SEC31A: variants seen among roughly 807,000 people sequenced by gnomAD.
SEC31A encodes protein transport protein Sec31A.
SEC31A carries 70 observed loss-of-function variants against 151.0 expected under a neutral mutation model. The observed-to-expected ratio is 0.46, with a 90% CI of 0.38 to 0.57. The LOEUF (loss-of-function observed/expected upper bound fraction) is 0.57. Among genes scored for constraint, SEC31A ranks in the 20% least tolerant of loss-of-function variants. The probability of loss-of-function intolerance (pLI) is 0.00; values close to 1 mark genes in which losing one functional copy is unlikely to be tolerated. For missense variants in SEC31A, 1,330 were observed against 1,471.2 expected, an observed-to-expected ratio of 0.90 and a Z score of 1.57; for synonymous variants, 475 against 505.9, an observed-to-expected ratio of 0.94 and a Z score of 0.82.
intron 22 of SEC31A, among the ~76,000 whole-genome samples, chr4:82,840,180 CAAGGTTGTAAGACTTA>C (rs1728411844): frequency 6.6e-6 from 1 of 152,124 alleles, no homozygotes; most frequent in African/African-American, 2.4e-5. Context: ...TACTACTTCT[CAAGGTTGTAAGACTTA>C]AATAAGAAAA....
intron 1 of SEC31A, among the ~76,000 whole-genome samples, chr4:82,889,730 G>C (rs1741843968): frequency 2.0e-5 from 3 of 151,974 alleles, no homozygotes. Context: ...TAAAGAATTT[G>C]CTTATATAAA....
At chr4:82,862,478 T>C in intron 13 of SEC31A, 56 bp downstream of exon 13, 1 of 1,346,728 alleles carries the variant, frequency 7.4e-7, no homozygotes, top group Non-Finnish European at 1.1e-6. Context: ...TATTTCCTTC[T>C]TCGTTATGAC....
chr4:82,881,507 C>T (rs1382732103), intron 2 of SEC31A, among the ~76,000 whole-genome samples: 1 of 151,792 alleles, frequency 6.6e-6, no homozygotes, highest in African/African-American at 2.4e-5. Flanking sequence ...TGCTTATAGA[C>T]ATATATGATA....
chr4:82,833,532 TAAA>T (rs35174989), intron 22 of SEC31A, among the ~76,000 whole-genome samples: 1 of 136,228 alleles, frequency 7.3e-6, no homozygotes, highest in Non-Finnish European at 1.6e-5. Context: ...AGTTAAATTA[TAAA>T]AAAAAAAAAA....
At chr4:82,823,718 T>A (rs1029835104) in intron 25 of SEC31A, among the ~76,000 whole-genome samples, 2 of 152,272 alleles carry the variant, frequency 1.3e-5, no homozygotes, top group Non-Finnish European at 2.9e-5. Context: ...ATGCCTCCGA[T>A]ATCTAAAACA....
At chr4:82,876,361 C>A (rs1422462392) in intron 4 of SEC31A, among the ~76,000 whole-genome samples, 1 of 152,118 alleles carries the variant, frequency 6.6e-6, no homozygotes, top group Admixed American at 6.5e-5. Context: ...CCACCTGCCT[C>A]GGCCTCCCAA....
rs1168078807 is a variant in SEC31A, at chr4:82,818,510, ATAGT to A, written c.*560_*563del. On this transcript the variant is annotated 3_prime_UTR_variant, in exon 27 of 27. Transcript: ENST00000395310. ...ACAAAAATGTCCAGTCTTTTCCTAT[ATAGT>A]TAAAGCCAGTGATCCCATTTTTATT... 2.0e-5 allele frequency among the ~76,000 whole-genome samples: 3 copies of A among 152,260 alleles called. No individual in the cohort carries two copies. Among genetic ancestry groups the A allele is most frequent in the Non-Finnish European group, 2.9e-5 (2 of 68,046 alleles).
intron 1 of SEC31A, among the ~76,000 whole-genome samples, chr4:82,887,919 G>A (rs563862331): frequency 6.6e-6 from 1 of 151,708 alleles, no homozygotes; most frequent in South Asian, 2.1e-4. Context: ...AGTGGCGGGC[G>A]CCTGTAGTCC....
At chr4:82,866,374 G>A (rs1030193156) in intron 10 of SEC31A, among the ~76,000 whole-genome samples, 10 of 152,162 alleles carry the variant, frequency 6.6e-5, no homozygotes, top group Non-Finnish European at 1.2e-4. Flanking sequence ...AGGAGGCTGA[G>A]GCAGGAGAAT....
At chr4:82,873,008 C>T (rs1737092239) in intron 6 of SEC31A, among the ~76,000 whole-genome samples, 1 of 152,064 alleles carries the variant, frequency 6.6e-6, no homozygotes, top group Non-Finnish European at 1.5e-5. Context: ...GTAGAGAAAA[C>T]ATTTTATGCA....
At chr4:82,899,276 T>C (rs1436031545) in intron 3 of SEC31A, among the ~76,000 whole-genome samples, 1 of 152,246 alleles carries the variant, frequency 6.6e-6, no homozygotes, top group Non-Finnish European at 1.5e-5. Flanking sequence ...ATATTGATTG[T>C]GACTGTTCCA....
At chr4:82,872,697 T>A (rs1207693883) in intron 6 of SEC31A, among the ~76,000 whole-genome samples, 1 of 151,962 alleles carries the variant, frequency 6.6e-6, no homozygotes, top group Non-Finnish European at 1.5e-5. Context: ...AGAGAAAACA[T>A]TTCATTGTAT....
chr4:82,882,394 T>G (rs1472044750), intron 1 of SEC31A, among the ~76,000 whole-genome samples: 2 of 98,566 alleles, frequency 2.0e-5, no homozygotes, highest in African/African-American at 1.0e-4. Flanking sequence ...AGAGCAAGAC[T>G]CTATCTCAAA....
At chr4:82,837,399 AG>A (rs1727654356) in intron 22 of SEC31A, among the ~76,000 whole-genome samples, 1 of 151,772 alleles carries the variant, frequency 6.6e-6, no homozygotes, top group South Asian at 2.1e-4. Flanking sequence ...ATAAAAAGCA[AG>A]GAAGTTTTTT....
intron 1 of SEC31A, among the ~76,000 whole-genome samples, chr4:82,888,373 A>AAC (rs70943166): frequency 3.2e-5 from 1 of 31,100 alleles, no homozygotes; most frequent in African/African-American, 1.0e-4. Context: ...AAAAAAAAAA[A>AAC]CACACAAAAA....
chr4:82,820,832 A>T (rs751678020), intron 26 of SEC31A, among the ~76,000 whole-genome samples: 13 of 152,104 alleles, frequency 8.5e-5, no homozygotes, highest in African/African-American at 2.7e-4. Flanking sequence ...CTCTCTCAAC[A>T]CACCCACACA....
At chr4:82,888,076 C>CAACA (rs1560675406) in intron 1 of SEC31A, among the ~76,000 whole-genome samples, 18 of 129,370 alleles carry the variant, frequency 1.4e-4, no homozygotes, top group South Asian at 5.3e-4. Context: ...CAAACAACAA[C>CAACA]AAAAAAAACA....
At chr4:82,866,303 T>C (rs1735377067) in intron 10 of SEC31A, among the ~76,000 whole-genome samples, 1 of 152,066 alleles carries the variant, frequency 6.6e-6, no homozygotes, top group African/African-American at 2.4e-5. Context: ...AAACCCCATC[T>C]CTACTAAAAA....
chr4:82,855,152 T>G, intron 16 of SEC31A, 123 bp from the exon 17 acceptor site: 3 of 754,490 alleles, frequency 4.0e-6, no homozygotes, highest in Non-Finnish European at 6.1e-6. Flanking sequence ...AGTATAATTT[T>G]GAATCAAATG....
Sources: allele counts gnomAD v4.1 joint callset (sites outside exome capture counted in the v4.1 genomes callset), GRCh38; gene constraint gnomAD v4.1.1; transcripts MANE v1.5; gene names NCBI Gene and HGNC (gene_info 2026-07-23, HGNC 2026-07-21).